NCKAP5: variants seen among roughly 807,000 people sequenced by gnomAD.
The protein encoded by NCKAP5 is NCK associated protein 5, also known as nck-associated protein 5.
NCKAP5 carries 92 observed loss-of-function variants against 167.0 expected under a neutral mutation model. The observed-to-expected ratio is 0.55, with a 90% CI of 0.47 to 0.66. NCKAP5 has a LOEUF of 0.66. Among genes scored for constraint, NCKAP5 ranks in the 30% least tolerant of loss-of-function variants. NCKAP5 has a pLI of 0.00. For synonymous variants in NCKAP5, 891 were observed against 877.4 expected, an observed-to-expected ratio of 1.02 and a Z score of -0.27; for missense variants, 2,378 against 2,315.0, an observed-to-expected ratio of 1.03 and a Z score of -0.56.
chr2:133,550,696 G>T (rs1490410692), intron 2 of NCKAP5, among the ~76,000 whole-genome samples: 6 of 125,556 alleles, frequency 4.8e-5, no homozygotes, highest in African/African-American at 1.8e-4. Context: ...ACAAGACAGG[G>T]ATGCCCTCTC....
Position 132,958,271 on chromosome 2 carries a change from C to G in NCKAP5, c.579+5449G>C, listed in dbSNP as rs374167337. On this transcript the variant is annotated intron_variant, in intron 8 of 19. Transcript: ENST00000409261. ...TTATTATTATTCCCATTACATCCCT[C>G]TAGTCCAATAACATTAATATGGTAT... Among the ~76,000 whole-genome samples, 6 of 152,166 alleles carry G rather than the reference C, an allele frequency of 3.9e-5. No homozygotes were observed. In the East Asian group the frequency reaches 7.7e-4, roughly 20 times the overall value.
At chr2:133,225,805 T>TC (rs1559290051) in intron 4 of NCKAP5, among the ~76,000 whole-genome samples, 39 of 142,112 alleles carry the variant, frequency 2.7e-4, no homozygotes, top group Admixed American at 1.4e-4. Flanking sequence ...TTTTTTTTTT[T>TC]CGGAGTCTCC....
intron 8 of NCKAP5, among the ~76,000 whole-genome samples, chr2:132,906,810 G>A (rs901206140): frequency 6.6e-6 from 1 of 152,210 alleles, no homozygotes; most frequent in African/African-American, 2.4e-5. Context: ...ATTTGATGAT[G>A]GAGAAAGAAG....
intron 6 of NCKAP5, among the ~76,000 whole-genome samples, chr2:133,128,943 TG>T (rs1045660367): frequency 1.8e-5 from 2 of 111,562 alleles, no homozygotes; most frequent in African/African-American, 7.2e-5. Context: ...AGAAACTCAC[TG>T]ATTTTTTTTT....
chr2:133,063,751 C>T (rs1050940432), intron 6 of NCKAP5, among the ~76,000 whole-genome samples: 2 of 152,212 alleles, frequency 1.3e-5, no homozygotes, highest in African/African-American at 4.8e-5. Flanking sequence ...CCAATATTAG[C>T]TGAGCAAAGT....
chr2:133,248,291 T>C (rs904055056), intron 4 of NCKAP5, among the ~76,000 whole-genome samples: 9 of 152,338 alleles, frequency 5.9e-5, no homozygotes, highest in South Asian at 2.1e-4. Context: ...GCCACAGAAG[T>C]TGGGCGTCTT....
intron 7 of NCKAP5, among the ~76,000 whole-genome samples, chr2:132,988,327 T>C (rs2077349670): frequency 6.6e-6 from 1 of 151,940 alleles, no homozygotes; most frequent in Admixed American, 6.6e-5. Flanking sequence ...CCAAGCGTGG[T>C]GGCACACGAC....
chr2:132,802,559 T>C (rs1320300924), intron 11 of NCKAP5, among the ~76,000 whole-genome samples: 2 of 152,172 alleles, frequency 1.3e-5, no homozygotes, highest in Non-Finnish European at 2.9e-5. Flanking sequence ...TATCTTTTGA[T>C]ATTGCTCACT....
chr2:133,444,839 C>G (rs1450642251), intron 3 of NCKAP5, among the ~76,000 whole-genome samples: 2 of 152,164 alleles, frequency 1.3e-5, no homozygotes, highest in Admixed American at 1.3e-4. Flanking sequence ...TCCATCGCAA[C>G]ATTTCCTCCA....
chr2:133,473,990 T>C (rs537208867), intron 3 of NCKAP5, among the ~76,000 whole-genome samples: 6 of 152,210 alleles, frequency 3.9e-5, no homozygotes, highest in African/African-American at 1.4e-4. Context: ...ATGAAATTAG[T>C]ATGAAAGAAA....
chr2:133,498,232 T>C (rs1433435087), intron 3 of NCKAP5, among the ~76,000 whole-genome samples: 1 of 152,158 alleles, frequency 6.6e-6, no homozygotes, highest in African/African-American at 2.4e-5. Context: ...CAGAGCTTCA[T>C]CATTCAGAAG....
intron 6 of NCKAP5, among the ~76,000 whole-genome samples, chr2:133,070,653 C>T (rs1411165882): frequency 1.3e-5 from 2 of 152,104 alleles, no homozygotes; most frequent in African/African-American, 4.8e-5. Context: ...GTCACTGCTA[C>T]TTGAGGCCTC....
At chr2:133,143,414 T>C (rs1486169624) in intron 5 of NCKAP5, among the ~76,000 whole-genome samples, 1 of 152,140 alleles carries the variant, frequency 6.6e-6, no homozygotes, top group Non-Finnish European at 1.5e-5. Flanking sequence ...ACATGATGTA[T>C]TGACAGGTAT....
chr2:133,496,712 T>C (rs1434366656), intron 3 of NCKAP5, among the ~76,000 whole-genome samples: 1 of 152,192 alleles, frequency 6.6e-6, no homozygotes, highest in Non-Finnish European at 1.5e-5. Context: ...AATGAGTCTT[T>C]CAGGTGATTC....
At chr2:133,515,727 G>C (rs1045281347) in intron 3 of NCKAP5, among the ~76,000 whole-genome samples, 2 of 152,176 alleles carry the variant, frequency 1.3e-5, no homozygotes, top group Non-Finnish European at 2.9e-5. Context: ...ATTTAAATAT[G>C]AGCATTGACA....
At chr2:133,660,489 G>A in the NCKAP5 span, among the ~76,000 whole-genome samples, 2 of 151,998 alleles carry the variant, frequency 1.3e-5, no homozygotes, top group Non-Finnish European at 2.9e-5. Flanking sequence ...TGATGGGATT[G>A]CATGCAATTT....
chr2:133,064,326 T>C (rs780456869), intron 6 of NCKAP5, among the ~76,000 whole-genome samples: 3 of 152,236 alleles, frequency 2.0e-5, no homozygotes, highest in Non-Finnish European at 4.4e-5. Context: ...AGTATACTGA[T>C]AGTTTAAGTG....
chr2:133,207,867 A>C (rs564474154), intron 5 of NCKAP5, among the ~76,000 whole-genome samples: 36 of 152,350 alleles, frequency 2.4e-4, no homozygotes, highest in African/African-American at 7.7e-4. Context: ...ATTTCTGTAG[A>C]TATTCCACCC....
At position 133,537,499 on chromosome 2, in the gene NCKAP5, C is replaced by T. The variant is rs187162808; in HGVS notation, c.-61-19912G>A. Among the ~76,000 whole-genome samples, 769 of 152,204 alleles carry T rather than the reference C, an allele frequency of 5.1e-3. 7 individuals are homozygous for T. Among genetic ancestry groups the T allele is most frequent in the African/African-American group, 0.017 (716 of 41,556 alleles). On this transcript the variant is annotated intron_variant, in intron 2 of 19. Transcript: ENST00000409261. ...ACAATGTTTTATAAGTTTTAGTGTA[C>T]AACTCTTGTACTTCATTTTCTAAAT...
Sources: gnomAD v4.1 joint callset for allele counts (sites outside exome capture counted in the v4.1 genomes callset) on GRCh38, gnomAD v4.1.1 for gene constraint, MANE v1.5 for transcripts, NCBI Gene and HGNC (gene_info 2026-07-23, HGNC 2026-07-21) for gene names.